Variants in CRISPLD2 observed in about 807,000 individuals in gnomAD.
The protein encoded by CRISPLD2 is cysteine rich secretory protein LCCL domain containing 2, also known as cysteine-rich secretory protein LCCL domain-containing 2.
A neutral mutation model predicts 71.1 loss-of-function variants in CRISPLD2; 47 were observed. The ratio of observed to expected loss-of-function variants is 0.66; its 90% CI spans 0.52 to 0.84. CRISPLD2 has a LOEUF of 0.84. Among genes scored for constraint, CRISPLD2 ranks in the 40% least tolerant of loss-of-function variants. CRISPLD2 has a pLI of 0.00. For synonymous variants in CRISPLD2, 317 were observed against 250.1 expected, an observed-to-expected ratio of 1.27 and a Z score of -2.52; for missense variants, 830 against 651.1, an observed-to-expected ratio of 1.27 and a Z score of -2.99.
intron 3 of CRISPLD2, among the ~76,000 whole-genome samples, chr16:84,847,417 C>T (rs1268371346): frequency 6.6e-6 from 1 of 152,074 alleles, no homozygotes. Flanking sequence ...TTTGGGAGGC[C>T]AAGGTGGGCA....
intron 14 of CRISPLD2, among the ~76,000 whole-genome samples, chr16:84,903,725 C>A (rs796997417): frequency 6.6e-6 from 1 of 152,146 alleles, no homozygotes; most frequent in Non-Finnish European, 1.5e-5. Context: ...AATGCCAAAG[C>A]AGGATGCATG....
intron 1 of CRISPLD2, among the ~76,000 whole-genome samples, chr16:84,828,598 C>T (rs1440031671): frequency 6.6e-6 from 1 of 152,108 alleles, no homozygotes; most frequent in African/African-American, 2.4e-5. Flanking sequence ...AGGGAAACAA[C>T]CACACGTCTT....
intron 1 of CRISPLD2, among the ~76,000 whole-genome samples, chr16:84,833,355 G>A (rs544245131): frequency 2.6e-5 from 4 of 152,222 alleles, no homozygotes; most frequent in African/African-American, 9.6e-5. Context: ...TGGTCTTATG[G>A]GCTCAGTTTT....
Position 84,849,374 on chromosome 16 carries a change from C to A in CRISPLD2, c.360-11C>A. 3 of 1,609,518 alleles carry A rather than the reference C, an allele frequency of 1.9e-6. No individual in the cohort carries two copies. Among genetic ancestry groups the A allele is most frequent in the Non-Finnish European group, 2.5e-6 (3 of 1,176,520 alleles). ...GGGGCTGGGACTGAGTGAGCGGTTTCTGCCCTGCAGGTATCGCTCTCCGGG... is the reference window on the plus strand; with the variant it reads ...GGGGCTGGGACTGAGTGAGCGGTTTATGCCCTGCAGGTATCGCTCTCCGGG... On this transcript the variant is annotated splice_polypyrimidine_tract_variant and intron_variant, in intron 3 of 14. Coordinates refer to ENST00000262424, the MANE Select transcript of CRISPLD2 (RefSeq NM_031476.4).
chr16:84,846,491 T>G (rs181822771), intron 3 of CRISPLD2, among the ~76,000 whole-genome samples: 1 of 152,270 alleles, frequency 6.6e-6, no homozygotes, highest in Non-Finnish European at 1.5e-5. Context: ...TGGCCTCAAG[T>G]GATCCACCCA....
chr16:84,899,378 G>A (rs2071733598), intron 14 of CRISPLD2, among the ~76,000 whole-genome samples: 2 of 152,176 alleles, frequency 1.3e-5, no homozygotes, highest in Non-Finnish European at 2.9e-5. Flanking sequence ...CAAGATTTGG[G>A]AAAGAAGGGC....
rs1364127933 is a variant in CRISPLD2, at chr16:84,906,965, C to G, written c.*323C>G. 1 of 369,214 alleles carries G rather than the reference C, an allele frequency of 2.7e-6. No individual in the cohort carries two copies. Among genetic ancestry groups the G allele is most frequent in the Non-Finnish European group, 5.0e-6 (1 of 200,420 alleles). The allele number at this position is 369,214 out of a possible 1,614,324, so 22.9% of individuals were successfully genotyped here. ...CCCAAAATGTTCCTTGCTATGTGTT[C>G]TTCTGTTGGTGGAGGAAGTTGATTT... On this transcript the variant is annotated 3_prime_UTR_variant, in exon 15 of 15. Coordinates refer to ENST00000262424, the MANE Select transcript of CRISPLD2 (RefSeq NM_031476.4).
At chr16:84,900,170 C>T (rs1201100381) in intron 14 of CRISPLD2, among the ~76,000 whole-genome samples, 1 of 152,156 alleles carries the variant, frequency 6.6e-6, no homozygotes, top group East Asian at 1.9e-4. Flanking sequence ...GCAGCTCCAT[C>T]TCTCCGAGTG....
At position 84,876,626 on chromosome 16, in the gene CRISPLD2, C is replaced by G. The variant is rs555342174; in HGVS notation, c.1157-812C>G. ...TGGCCAACATGGTGAAACCCTGTCTCTACTGAAAATACAAAAATTAGCTGG... is the reference window on the plus strand; with the variant it reads ...TGGCCAACATGGTGAAACCCTGTCTGTACTGAAAATACAAAAATTAGCTGG... On this transcript the variant is annotated intron_variant, in intron 11 of 14. Coordinates refer to ENST00000262424, the MANE Select transcript of CRISPLD2 (RefSeq NM_031476.4). 1.4e-4 allele frequency among the ~76,000 whole-genome samples: 21 copies of G among 152,182 alleles called. No homozygotes were observed. In the East Asian group the frequency reaches 4.1e-3, roughly 29 times the overall value.
Position 84,835,082 on chromosome 16 carries a change from GTT to G in CRISPLD2, c.-74-3339_-74-3338del, listed in dbSNP as rs202119713. ...GGAATGAGGTGCTGGCCCTTTTATGGTTACTTTTCTTTTTTTAATTTTTTTGA... is the reference window on the plus strand; with the variant it reads ...GGAATGAGGTGCTGGCCCTTTTATGGACTTTTCTTTTTTTAATTTTTTTGA... On this transcript the variant is annotated intron_variant, in intron 1 of 14. Transcript: ENST00000262424. Among the ~76,000 whole-genome samples the G allele has an allele frequency of 9.4e-3, 1,428 of 152,064 alleles. 19 individuals carry two copies. Among genetic ancestry groups the G allele is most frequent in the East Asian group, 0.032 (166 of 5,162 alleles).
At chr16:84,858,584 C>G (rs1243355847) in intron 6 of CRISPLD2, among the ~76,000 whole-genome samples, 1 of 152,370 alleles carries the variant, frequency 6.6e-6, no homozygotes, top group South Asian at 2.1e-4. Flanking sequence ...TTTGCTACTT[C>G]TTGCTCACTG....
chr16:84,861,350 A>T (rs1269227952), intron 6 of CRISPLD2, among the ~76,000 whole-genome samples: 1 of 152,172 alleles, frequency 6.6e-6, no homozygotes, highest in African/African-American at 2.4e-5. Context: ...GGAGTTTATT[A>T]AGGAGTGTTA....
chr16:84,901,046 CAA>C (rs367812875), intron 14 of CRISPLD2, among the ~76,000 whole-genome samples: 2 of 128,244 alleles, frequency 1.6e-5, no homozygotes, highest in Admixed American at 7.9e-5. Context: ...CACACACACG[CAA>C]AAAAAAAAAG....
intron 6 of CRISPLD2, among the ~76,000 whole-genome samples, chr16:84,861,760 C>CA (rs1414506887): frequency 2.6e-5 from 4 of 152,114 alleles, no homozygotes; most frequent in African/African-American, 9.7e-5. Context: ...CCCATCTCTA[C>CA]AAAAAATAAA....
chr16:84,868,827 T>C (rs769767232), intron 7 of CRISPLD2, 24 bp from the exon 8 acceptor site: 6 of 1,606,430 alleles, frequency 3.7e-6, no homozygotes, highest in Middle Eastern at 1.7e-4. Flanking sequence ...TGCCGTGACA[T>C]GTATTCCCGC....
intron 6 of CRISPLD2, among the ~76,000 whole-genome samples, chr16:84,866,250 T>TG (rs1917533406): frequency 1.3e-5 from 2 of 151,322 alleles, no homozygotes; most frequent in African/African-American, 4.9e-5. Context: ...TTTTTTTTTT[T>TG]GAGATGGAGT....
intron 13 of CRISPLD2, among the ~76,000 whole-genome samples, chr16:84,885,361 C>G (rs935973087): frequency 2.6e-5 from 4 of 152,254 alleles, no homozygotes; most frequent in South Asian, 2.1e-4. Context: ...GCTCCTTAGT[C>G]TTTAGCAGGG....
Position 84,854,125 on chromosome 16 carries a change from G to A in CRISPLD2, c.609-604G>A, listed in dbSNP as rs543977394. On this transcript the variant is annotated intron_variant, in intron 5 of 14. Coordinates refer to ENST00000262424, the MANE Select transcript of CRISPLD2 (RefSeq NM_031476.4). ...TAAGGCTCTGAGCCGGACAGCCTGTGTTCAAATCCCAGCCCCGCCACTTGC... is the reference window on the plus strand; with the variant it reads ...TAAGGCTCTGAGCCGGACAGCCTGTATTCAAATCCCAGCCCCGCCACTTGC... 4.3e-4 allele frequency among the ~76,000 whole-genome samples: 65 copies of A among 152,304 alleles called. 1 individual carries two copies. The highest frequency in any genetic ancestry group is 4.2e-3 in the Admixed American group (65 of 15,306).
rs185943087 is a variant in CRISPLD2, at chr16:84,826,152, G to C, written c.-75+6019G>C. 6.6e-4 allele frequency among the ~76,000 whole-genome samples: 100 copies of C among 152,308 alleles called. 1 individual carries two copies. The highest frequency in any genetic ancestry group is 3.9e-3 in the South Asian group (19 of 4,830). The stretch of plus-strand genomic sequence containing the variant: ...CTGGCACAAAGGTGGGGCATGGAGG[G>C]CTGGCTACTGGGGTCAGCGTGGAGC... On this transcript the variant is annotated intron_variant, in intron 1 of 14. Transcript: ENST00000262424.
Sources: gnomAD v4.1 joint callset for allele counts (sites outside exome capture counted in the v4.1 genomes callset) on GRCh38, gnomAD v4.1.1 for gene constraint, MANE v1.5 for transcripts, NCBI Gene and HGNC (gene_info 2026-07-23, HGNC 2026-07-21) for gene names.